ANK2: variants seen among roughly 807,000 people sequenced by gnomAD.
ANK2 encodes the protein ankyrin 2.
A neutral mutation model predicts 360.5 loss-of-function variants in ANK2; 83 were observed. The ratio of observed to expected loss-of-function variants is 0.23; its 90% CI spans 0.19 to 0.28. The LOEUF (loss-of-function observed/expected upper bound fraction) is 0.28, where lower values mean the gene tolerates loss of function less well. ANK2 is among the 10% of genes least tolerant of loss of function. The probability of loss-of-function intolerance (pLI) is 1.00; values close to 1 mark genes in which losing one functional copy is unlikely to be tolerated. For synonymous variants in ANK2, 1,740 were observed against 1,759.5 expected (o/e 0.99, Z 0.28); for missense variants, 4,201 against 4,795.7 (o/e 0.88, Z 3.66).
chr4:112,712,060 A>G, the ANK2 span, among the ~76,000 whole-genome samples: 35 of 148,662 alleles, frequency 2.4e-4, no homozygotes, highest in Admixed American at 6.0e-4. Flanking sequence ...ACACACATAT[A>G]TATATATATA....
chr4:113,139,553 A>G (rs1032404824), intron 1 of ANK2, among the ~76,000 whole-genome samples: 11 of 152,372 alleles, frequency 7.2e-5, no homozygotes, highest in African/African-American at 2.2e-4. Flanking sequence ...CAAAATAAGT[A>G]GGAGTGCACA....
intron 2 of ANK2, among the ~76,000 whole-genome samples, chr4:112,950,370 T>A (rs920364562): frequency 3.3e-5 from 5 of 151,946 alleles, no homozygotes; most frequent in African/African-American, 1.2e-4. Context: ...TAAGGCTGGG[T>A]GCGGTGGCTC....
chr4:113,284,813 CT>C (rs148619502), intron 18 of ANK2, among the ~76,000 whole-genome samples: 6,760 of 152,198 alleles, frequency 0.044, 196 homozygotes, highest in Non-Finnish European at 0.071. Flanking sequence ...ATAACCTTGC[CT>C]TTTGGTTAGA....
chr4:113,341,675 T>C lies in ANK2; in HGVS notation c.3894-13T>C. On this transcript the variant is annotated splice_polypyrimidine_tract_variant and intron_variant, in intron 32 of 45. Transcript: ENST00000357077. ...TTTGAACTTTAGATAACTGACTTTA[T>C]TTATTTTAATAGGTTCTGGCTGATA... is the stretch of plus-strand genomic sequence containing the variant. The C allele has an allele frequency of 6.2e-7, 1 of 1,613,504 alleles. No homozygotes were observed. Among genetic ancestry groups the C allele is most frequent in the African/African-American group, 1.3e-5 (1 of 75,032 alleles).
intron 6 of ANK2, 47 bp from the exon 7 acceptor site, chr4:113,237,552 G>C: frequency 6.4e-7 from 1 of 1,564,408 alleles, no homozygotes; most frequent in Non-Finnish European, 8.8e-7. Flanking sequence ...CCATAATTTT[G>C]CATTGTGTAA....
chr4:112,904,483 T>G, exon 2 of ANK2: 1 of 1,503,398 alleles, frequency 6.7e-7, no homozygotes, highest in South Asian at 1.3e-5. Flanking sequence ...CATGAAGAAT[T>G]GGTATTTCAA....
chr4:113,198,623 G>A lies in ANK2; in HGVS notation c.286-388G>A, dbSNP rs74560261. Among the ~76,000 whole-genome samples the A allele has an allele frequency of 7.9e-3, 1,197 of 152,210 alleles. 10 individuals are homozygous for A. The highest frequency in any genetic ancestry group is 0.013 in the African/African-American group (555 of 41,532). On this transcript the variant is annotated intron_variant, in intron 3 of 45. Transcript: ENST00000357077. ...AAATTCCTAGGTTTCTTTGCAAGGT[G>A]AAAGAAACTCAATGTTTCAGTAAAC...
rs2076767501 is a variant in ANK2 at position 112,881,824 on chromosome 4, C to T, written c.-39-22631C>T. On this transcript the variant is annotated intron_variant, in intron 1 of 30. Transcript: ENST00000503271. The stretch of plus-strand genomic sequence containing the variant: ...TCAGTGTCTTCTTTAATGCCACCAA[C>T]AAATATCTTTTTCACAGTTAAGTGG... 7.5e-6 allele frequency: 7 copies of T among 934,572 alleles called. No individual in the cohort carries two copies. The Admixed American group carries it at 1.1e-4, about 14-fold the overall frequency. 57.9% of individuals were successfully genotyped at this position (934,572 alleles called of 1,614,324 possible).
chr4:112,730,679 GA>G, the ANK2 span, among the ~76,000 whole-genome samples: 1 of 142,582 alleles, frequency 7.0e-6, no homozygotes, highest in Non-Finnish European at 1.5e-5. Context: ...AAAATTACTA[GA>G]AAAGTAGATT....
At chr4:113,103,398 T>C (rs1229833161) in intron 1 of ANK2, among the ~76,000 whole-genome samples, 2 of 152,172 alleles carry the variant, frequency 1.3e-5, no homozygotes, top group African/African-American at 4.8e-5. Flanking sequence ...GCCTTCATGA[T>C]ACAAAAACAT....
intron 1 of ANK2, among the ~76,000 whole-genome samples, chr4:113,056,677 G>A (rs1008032826): frequency 2.0e-5 from 3 of 151,902 alleles, no homozygotes; most frequent in African/African-American, 4.8e-5. Context: ...TTATGTACTC[G>A]AGACCAAATA....
intron 1 of ANK2, among the ~76,000 whole-genome samples, chr4:112,819,982 T>C (rs2056536489): frequency 6.6e-6 from 1 of 152,236 alleles, no homozygotes; most frequent in South Asian, 2.1e-4. Context: ...AAAACGATGC[T>C]CATCCTTGGG....
At chr4:113,262,257 G>T (rs2053356868) in intron 13 of ANK2, among the ~76,000 whole-genome samples, 1 of 152,042 alleles carries the variant, frequency 6.6e-6, no homozygotes, top group South Asian at 2.1e-4. Flanking sequence ...ACACGACCTT[G>T]CCCTGTCACC....
At chr4:113,300,420 C>G (rs1300054842) in intron 22 of ANK2, among the ~76,000 whole-genome samples, 2 of 152,106 alleles carry the variant, frequency 1.3e-5, no homozygotes, top group East Asian at 1.9e-4. Context: ...TTAGTATTAA[C>G]AAGTTTTTGA....
intron 1 of ANK2, among the ~76,000 whole-genome samples, chr4:112,869,883 A>G (rs2072223769): frequency 6.6e-6 from 1 of 151,932 alleles, no homozygotes; most frequent in South Asian, 2.1e-4. Flanking sequence ...GGGTTTCAAC[A>G]TGTTTGCGAG....
chr4:113,275,379 T>C (rs1370668576), intron 15 of ANK2, among the ~76,000 whole-genome samples: 1 of 152,134 alleles, frequency 6.6e-6, no homozygotes, highest in East Asian at 1.9e-4. Flanking sequence ...TAGAGCAAAA[T>C]TAATTGAGCC....
chr4:112,916,838 C>G (rs1224585239), intron 2 of ANK2, among the ~76,000 whole-genome samples: 1 of 152,084 alleles, frequency 6.6e-6, no homozygotes, highest in Non-Finnish European at 1.5e-5. Context: ...ATTTAATGAT[C>G]AAATTATATA....
intron 1 of ANK2, among the ~76,000 whole-genome samples, chr4:112,823,266 C>T (rs1341902675): frequency 1.3e-5 from 2 of 152,160 alleles, no homozygotes; most frequent in Admixed American, 6.5e-5. Flanking sequence ...AGACATTAAA[C>T]TGTAGTGATA....
At chr4:112,750,084 T>A in the ANK2 span, among the ~76,000 whole-genome samples, 2 of 152,026 alleles carry the variant, frequency 1.3e-5, no homozygotes, top group Non-Finnish European at 2.9e-5. Context: ...CTTTCATACT[T>A]TTTTTTCTTC....
Sources: allele counts gnomAD v4.1 joint callset (sites outside exome capture counted in the v4.1 genomes callset), GRCh38; gene constraint gnomAD v4.1.1; transcripts MANE v1.5; gene names NCBI Gene and HGNC (gene_info 2026-07-23, HGNC 2026-07-21).